HID1: variants seen among roughly 807,000 people sequenced by gnomAD.
The protein encoded by HID1 is HID1 domain containing.
A neutral mutation model predicts 89.7 loss-of-function variants in HID1; 42 were observed. The observed-to-expected ratio is 0.47, with a 90% CI of 0.37 to 0.61. The LOEUF is 0.61. Ranked by LOEUF, HID1 falls within the 20% of genes least tolerant of loss-of-function variation. The probability of loss-of-function intolerance (pLI) is 0.00; values close to 1 mark genes in which losing one functional copy is unlikely to be tolerated. For synonymous variants in HID1, 442 were observed against 433.8 expected, an observed-to-expected ratio of 1.02 and a Z score of -0.24; for missense variants, 854 against 1,039.3, an observed-to-expected ratio of 0.82 and a Z score of 2.45.
chr17:74,961,319 G>C (rs941573370), intron 6 of HID1, among the ~76,000 whole-genome samples: 2 of 151,872 alleles, frequency 1.3e-5, no homozygotes, highest in African/African-American at 4.8e-5. Context: ...CCAGGCTGGA[G>C]CGCAGTGGCG....
chr17:74,952,022 T>C lies in HID1; in HGVS notation c.2186A>G (p.His729Arg). The C allele has an allele frequency of 6.4e-7, 1 of 1,559,682 alleles. No homozygotes were observed. The change falls in exon 18 of 19, where the codon CAT (histidine) becomes CGT (arginine). Residue 729 changes from histidine to arginine, a missense_variant. His to Arg is a conservative substitution (Grantham distance 29, BLOSUM62 0). Transcript: ENST00000425042. ...GGGCAGCAGCCCCACCAGGGTGCCATGCTGCAGGAACCGCAGGATCTCAGA... is the reference window on the plus strand; with the variant it reads ...GGGCAGCAGCCCCACCAGGGTGCCACGCTGCAGGAACCGCAGGATCTCAGA... ...DESEILRFLQ[H>R]GTLVGLLPVP...
intron 18 of HID1, 66 bp from the exon 19 acceptor site, chr17:74,951,699 T>G (rs2039302503): frequency 6.6e-7 from 1 of 1,525,086 alleles, no homozygotes; most frequent in East Asian, 2.3e-5. Flanking sequence ...CAGGAGGAGC[T>G]GGGCAGCAGG....
In HID1 at chr17:74,958,529, G is replaced by A; in HGVS notation, c.1241-51C>T. ...CACTCGGGTGGGAGGGGGAAGGAGG[G>A]GCCCAGGCAGTGACCATTTTGGAGG... is the stretch of plus-strand genomic sequence containing the variant. On this transcript the variant is annotated intron_variant, in intron 10 of 18. Coordinates refer to ENST00000425042, the MANE Select transcript of HID1 (RefSeq NM_030630.3). The surrounding 1 kb of genome is among the most constrained non-coding windows in gnomAD (Gnocchi z 5.2). 2 of 1,573,582 alleles carry A rather than the reference G, an allele frequency of 1.3e-6. No individual in the cohort carries two copies. Among genetic ancestry groups the A allele is most frequent in the South Asian group, 1.2e-5 (1 of 86,608 alleles).
At chr17:74,963,679 A>C in intron 3 of HID1, 61 bp downstream of exon 3, 1 of 1,487,612 alleles carries the variant, frequency 6.7e-7, no homozygotes, top group Non-Finnish European at 9.1e-7. Flanking sequence ...CCGGCCCTAA[A>C]GGGCGCTCTC....
chr17:74,961,878 C>A lies in HID1; in HGVS notation c.723G>T (p.Glu241Asp). ...AAAGGCCAAGGGCCCTTCACCTGTTCTCCGTGGAACAAAAGAACTGAACCC... is the reference window on the plus strand; with the variant it reads ...AAAGGCCAAGGGCCCTTCACCTGTTATCCGTGGAACAAAAGAACTGAACCC... ...NPWVQFFCST[E>D]NRHALPLFTS... Residue 241 changes from glutamate (E) to aspartate (D), a missense_variant, in exon 6 of 19, where the codon GAG becomes GAT. Transcript: ENST00000425042. 6.4e-7 allele frequency: 1 copy of A among 1,565,452 alleles called. No individual in the cohort carries two copies. The highest frequency in any genetic ancestry group is 8.7e-7 in the Non-Finnish European group (1 of 1,154,106).
At position 74,962,458 on chromosome 17, in the gene HID1, C is replaced by T; in HGVS notation, c.505-118G>A. 1.6e-6 allele frequency: 1 copy of T among 608,592 alleles called. No individual in the cohort carries two copies. Among genetic ancestry groups the T allele is most frequent in the Admixed American group, 3.0e-5 (1 of 33,096 alleles). 37.7% of individuals were successfully genotyped at this position (608,592 alleles called of 1,614,324 possible). On this transcript the variant is annotated intron_variant, in intron 4 of 18. Transcript: ENST00000425042. The surrounding 1 kb of genome is among the most constrained non-coding windows in gnomAD (Gnocchi z 4.3). ...CCAGGGGCAGAGACCGCCAGTTCTC[C>T]TAAAGACAGGTCCTCAAAATGGCCT...
intron 1 of HID1, among the ~76,000 whole-genome samples, chr17:74,968,630 C>T (rs540651582): frequency 1.3e-5 from 2 of 152,286 alleles, no homozygotes; most frequent in East Asian, 3.9e-4. Flanking sequence ...CCAGGACAGC[C>T]CTCTGGCACT....
Position 74,962,937 on chromosome 17 carries a change from TG to T in HID1, c.504+27del. The T allele has an allele frequency of 6.5e-7, 1 of 1,530,254 alleles. No homozygotes were observed. Among genetic ancestry groups the T allele is most frequent in the Non-Finnish European group, 9.0e-7 (1 of 1,108,922 alleles). The allele number at this position is 1,530,254 out of a possible 1,614,324, so 94.8% of individuals were successfully genotyped here. On this transcript the variant is annotated intron_variant, in intron 4 of 18. Coordinates refer to ENST00000425042, the MANE Select transcript of HID1 (RefSeq NM_030630.3). This position sits in a 1 kb window ranked among gnomAD's most constrained non-coding sequence, Gnocchi z 4.3. ...ACCCAGGACCAGAGCCTACTCCGCC[TG>T]GGGGTGGGGGGCTGGGGGACACTCA...
intron 1 of HID1, among the ~76,000 whole-genome samples, chr17:74,965,550 T>A (rs1327483283): frequency 2.0e-5 from 3 of 152,180 alleles, no homozygotes; most frequent in Non-Finnish European, 4.4e-5. Flanking sequence ...CAAGCTGTTC[T>A]CTCTTCCCCC....
At chr17:74,969,919 TTTC>T (rs1462006127) in intron 1 of HID1, among the ~76,000 whole-genome samples, 6 of 78,608 alleles carry the variant, frequency 7.6e-5, no homozygotes, top group African/African-American at 1.9e-4. Flanking sequence ...ATTTTTCTTT[TTTC>T]TTTTTTTTTT....
At chr17:74,953,142 G>A in intron 15 of HID1, 56 bp from the exon 16 acceptor site, 2 of 1,367,750 alleles carry the variant, frequency 1.5e-6, no homozygotes, top group Admixed American at 2.0e-5. Context: ...GAGGGGTGGA[G>A]TGGGGGGCAA....
Position 74,958,654 on chromosome 17 carries a change from ACC to A in HID1, c.1240+17_1240+18del. ...CCGCCAGGAAAGCCCCCAGCATCCC[ACC>A]CCCACCCTGGTCTTACACTGATCGG... On this transcript the variant is annotated intron_variant, in intron 10 of 18. Transcript: ENST00000425042. This position sits in a 1 kb window ranked among gnomAD's most constrained non-coding sequence, Gnocchi z 5.2. 4 of 515,056 alleles carry A rather than the reference ACC, an allele frequency of 7.8e-6. No homozygotes were observed. Among genetic ancestry groups the A allele is most frequent in the Non-Finnish European group, 1.3e-5 (4 of 306,400 alleles). The allele number at this position is 515,056 out of a possible 1,614,324, so 31.9% of individuals were successfully genotyped here. A position where few individuals can be genotyped will look rare whatever the true frequency, so the allele number is the denominator to read the frequency against.
Position 74,958,534 on chromosome 17 carries a change from A to G in HID1, c.1241-56T>C. On this transcript the variant is annotated intron_variant, in intron 10 of 18. Coordinates refer to ENST00000425042, the MANE Select transcript of HID1 (RefSeq NM_030630.3). The surrounding 1 kb of genome is among the most constrained non-coding windows in gnomAD (Gnocchi z 5.2). ...GGGTGGGAGGGGGAAGGAGGGGCCC[A>G]GGCAGTGACCATTTTGGAGGCCTCC... The G allele has an allele frequency of 6.3e-7, 1 of 1,575,736 alleles. No individual in the cohort carries two copies. Among genetic ancestry groups the G allele is most frequent in the South Asian group, 1.2e-5 (1 of 86,846 alleles).
intron 3 of HID1, chr17:74,963,466 T>C (rs2039515911): frequency 3.8e-6 from 2 of 525,290 alleles, no homozygotes; most frequent in Non-Finnish European, 6.8e-6. Flanking sequence ...AGGGCCCAGC[T>C]CCTCTGCCTC....
In HID1 at chr17:74,959,134, C is replaced by T. The variant is rs1313414485; in HGVS notation, c.1009-83G>A. On this transcript the variant is annotated intron_variant, in intron 8 of 18. Coordinates refer to ENST00000425042, the MANE Select transcript of HID1 (RefSeq NM_030630.3). This position sits in a 1 kb window ranked among gnomAD's most constrained non-coding sequence, Gnocchi z 4.6. Reference sequence around the variant, plus strand: ...CCCAGCCCAGGCCCCCAACAAATCCCCCCCTCCATCCCCCAGAGCCAGATC... The same window carrying T: ...CCCAGCCCAGGCCCCCAACAAATCCTCCCCTCCATCCCCCAGAGCCAGATC... 10 of 1,398,566 alleles carry T rather than the reference C, an allele frequency of 7.2e-6. No individual in the cohort carries two copies. The highest frequency in any genetic ancestry group is 7.5e-6 in the Non-Finnish European group (8 of 1,059,994). The allele number at this position is 1,398,566 out of a possible 1,614,324, so 86.6% of individuals were successfully genotyped here.
intron 13 of HID1, among the ~76,000 whole-genome samples, chr17:74,955,369 G>A (rs2039373323): frequency 6.6e-6 from 1 of 151,802 alleles, no homozygotes; most frequent in South Asian, 2.1e-4. Context: ...GGTATGGTGG[G>A]GGGCGCCTGT....
chr17:74,969,926 T>TC (rs1445620361), intron 1 of HID1, among the ~76,000 whole-genome samples: 3 of 143,474 alleles, frequency 2.1e-5, no homozygotes, highest in African/African-American at 5.1e-5. Context: ...TTTTTTCTTT[T>TC]TTTTTTTTTT....
intron 12 of HID1, 74 bp from the exon 13 acceptor site, chr17:74,956,030 A>G (rs2039385917): frequency 6.8e-7 from 1 of 1,463,082 alleles, no homozygotes; most frequent in South Asian, 1.2e-5. Flanking sequence ...CCGGGGTGGA[A>G]CAACAGGCTC....
chr17:74,961,612 G>A, intron 6 of HID1: 1 of 258,934 alleles, frequency 3.9e-6, no homozygotes, highest in Non-Finnish European at 7.3e-6. Flanking sequence ...TGCACTCGTG[G>A]TTTGCATTCT....
Sources: gnomAD v4.1 joint callset for allele counts (sites outside exome capture counted in the v4.1 genomes callset) on GRCh38, gnomAD v4.1.1 for gene constraint, Gnocchi (gnomAD v3.1) non-coding constraint, MANE v1.5 for transcripts, NCBI Gene and HGNC (gene_info 2026-07-23, HGNC 2026-07-21) for gene names.